The following NRIP2 variants were observed in gnomAD, a reference collection of about 807,000 sequenced individuals.
NRIP2 encodes the protein nuclear receptor interacting protein 2, also known as nuclear receptor-interacting protein 2.
NRIP2 carries 27 observed loss-of-function variants against 34.1 expected under a neutral mutation model. That is an observed-to-expected ratio of 0.79 (90% CI 0.58 to 1.09). The LOEUF is 1.09. NRIP2 is among the 50% of genes least tolerant of loss of function. The pLI, the probability that NRIP2 is intolerant of heterozygous loss-of-function variation, is 0.00. For missense variants in NRIP2, 385 were observed against 352.6 expected (o/e 1.09, Z -0.74); for synonymous variants, 145 against 146.9 (o/e 0.99, Z 0.09).
rs112921825 is a variant in NRIP2, at chr12:2,828,134, T to G, written c.579-87A>C. The G allele has an allele frequency of 6.7e-3, 8,981 of 1,331,540 alleles. 413 individuals carry two copies. The African/African-American group carries it at 0.11, about 16-fold the overall frequency. 82.5% of individuals were successfully genotyped at this position (1,331,540 alleles called of 1,614,324 possible). A position where few individuals can be genotyped will look rare whatever the true frequency, so the allele number is the denominator to read the frequency against. On this transcript the variant is annotated intron_variant, in intron 3 of 5. Coordinates refer to ENST00000337508, the MANE Select transcript of NRIP2 (RefSeq NM_031474.3). ...CAGCAGGTGTCCCTCTCTACTATGG[T>G]TTCATCTCCAACCCCTGACCTCACG...
At chr12:2,832,559 C>T (rs535566142) in intron 1 of NRIP2, among the ~76,000 whole-genome samples, 1 of 151,886 alleles carries the variant, frequency 6.6e-6, no homozygotes, top group African/African-American at 2.4e-5. Context: ...AGGATGTACC[C>T]TCTCCAGGAT....
In NRIP2 at chr12:2,835,024, T is replaced by C. The variant is rs369220367; in HGVS notation, c.-41A>G. ...TCAGTCTCCAATTTCCCGAGATTGC[T>C]GTAGAGGGAGTGAGACTCCGGCTGG... On this transcript the variant is annotated 5_prime_UTR_variant, in exon 1 of 6. Transcript: ENST00000337508. 1.5e-4 allele frequency: 225 copies of C among 1,504,340 alleles called. 1 individual carries two copies. Among genetic ancestry groups the C allele is most frequent in the Middle Eastern group, 9.1e-4 (5 of 5,490 alleles). 93.2% of individuals were successfully genotyped at this position (1,504,340 alleles called of 1,614,324 possible). A position where few individuals can be genotyped will look rare whatever the true frequency, so the allele number is the denominator to read the frequency against.
At chr12:2,828,775 G>A (rs945252448) in intron 2 of NRIP2, among the ~76,000 whole-genome samples, 1 of 152,190 alleles carries the variant, frequency 6.6e-6, no homozygotes, top group Non-Finnish European at 1.5e-5. Context: ...CCGAGAGGCG[G>A]AGGTTGTGGT....
At position 2,830,703 on chromosome 12, in the gene NRIP2, C is replaced by G; in HGVS notation, c.495+5G>C. The G allele has an allele frequency of 2.5e-6, 4 of 1,607,526 alleles. No homozygotes were observed. The highest frequency in any genetic ancestry group is 2.5e-6 in the Non-Finnish European group (3 of 1,177,130). ...ATGAAAGTGTGTCCCTGGGAGGCCT[C>G]TCACCTTGCAGTTGACCAGAAGAGC... On this transcript the variant is annotated splice_donor_5th_base_variant and intron_variant, in intron 2 of 5. Coordinates refer to ENST00000337508, the MANE Select transcript of NRIP2 (RefSeq NM_031474.3).
intron 1 of NRIP2, 97 bp from the exon 2 acceptor site, chr12:2,830,957 A>ACC (rs71441693): frequency 2.6e-6 from 3 of 1,166,800 alleles, no homozygotes; most frequent in Admixed American, 2.9e-5. Flanking sequence ...TGCTCCCCCC[A>ACC]CCCCCCCAGC....
intron 1 of NRIP2, among the ~76,000 whole-genome samples, 198 bp from the exon 2 acceptor site, chr12:2,831,058 A>G (rs1397355446): frequency 1.3e-5 from 2 of 150,558 alleles, no homozygotes; most frequent in Non-Finnish European, 2.9e-5. Flanking sequence ...TTCCTTGGAC[A>G]CCCATAGATT....
intron 1 of NRIP2, among the ~76,000 whole-genome samples, chr12:2,833,927 C>T (rs973870715): frequency 6.6e-6 from 1 of 152,188 alleles, no homozygotes; most frequent in African/African-American, 2.4e-5. Flanking sequence ...TGATCCCAAG[C>T]GAAGTGGCTG....
At chr12:2,828,261 AT>A in intron 3 of NRIP2, 70 bp downstream of exon 3, 1 of 1,364,442 alleles carries the variant, frequency 7.3e-7, no homozygotes, top group Admixed American at 1.8e-5. Context: ...TCACTATCTA[AT>A]TTGAGAATAT....
rs1355269263 is a variant in NRIP2 at position 2,827,617 on chromosome 12, T to C, written c.753+8A>G. 6.2e-7 allele frequency: 1 copy of C among 1,614,158 alleles called. No homozygotes were observed. The highest frequency in any genetic ancestry group is 1.7e-5 in the Admixed American group (1 of 60,020). ...TGCTTTGGGTCAGGCCCTGAGTGGG[T>C]GCCTTACCTTGAGAGAAAGCAGAGT... On this transcript the variant is annotated splice_region_variant and intron_variant, in intron 5 of 5. Coordinates refer to ENST00000337508, the MANE Select transcript of NRIP2 (RefSeq NM_031474.3). This position sits in a 1 kb window ranked among gnomAD's most constrained non-coding sequence, Gnocchi z 4.0.
At position 2,827,568 on chromosome 12, in the gene NRIP2, G is replaced by A. The variant is rs965188247; in HGVS notation, c.753+57C>T. ...AGAACCTGGTCCAGGTTCCACACCT[G>A]TGCCTTCTACTACTTTTTCCCAGTG... On this transcript the variant is annotated intron_variant, in intron 5 of 5. Coordinates refer to ENST00000337508, the MANE Select transcript of NRIP2 (RefSeq NM_031474.3). The surrounding 1 kb of genome is among the most constrained non-coding windows in gnomAD (Gnocchi z 4.0). 3.1e-6 allele frequency: 5 copies of A among 1,613,124 alleles called. No individual in the cohort carries two copies. Among genetic ancestry groups the A allele is most frequent in the Non-Finnish European group, 4.2e-6 (5 of 1,179,634 alleles).
chr12:2,832,572 C>T (rs1234745667), intron 1 of NRIP2, among the ~76,000 whole-genome samples: 2 of 151,812 alleles, frequency 1.3e-5, no homozygotes, highest in East Asian at 3.9e-4. Flanking sequence ...TCCAGGATAC[C>T]CTCTCTGAGT....
intron 1 of NRIP2, among the ~76,000 whole-genome samples, chr12:2,832,938 C>T (rs531830303): frequency 1.3e-5 from 2 of 151,938 alleles, no homozygotes; most frequent in Non-Finnish European, 2.9e-5. Flanking sequence ...TCAGCGAGCT[C>T]TGGGATTGGC....
intron 1 of NRIP2, among the ~76,000 whole-genome samples, chr12:2,833,999 C>T (rs1052637585): frequency 1.4e-4 from 21 of 152,188 alleles, no homozygotes; most frequent in African/African-American, 5.1e-4. Flanking sequence ...AGTTTTCCGC[C>T]GCCCACTCAC....
At chr12:2,828,890 A>G (rs2097984792) in intron 2 of NRIP2, among the ~76,000 whole-genome samples, 1 of 152,154 alleles carries the variant, frequency 6.6e-6, no homozygotes, top group Non-Finnish European at 1.5e-5. Flanking sequence ...CAATAGGGGC[A>G]GAACTCCCAG....
chr12:2,831,273 A>G (rs1565431312), intron 1 of NRIP2, among the ~76,000 whole-genome samples: 2 of 151,350 alleles, frequency 1.3e-5, no homozygotes, highest in Non-Finnish European at 1.5e-5. Flanking sequence ...TGATGGTATG[A>G]TGAAAAACAG....
chr12:2,830,817 G>A lies in NRIP2; in HGVS notation c.386C>T (p.Pro129Leu), dbSNP rs756586590. Residue 129 changes from proline (P) to leucine (L), a missense_variant, in exon 2 of 6, where the codon CCG (proline) becomes CTG (leucine). Transcript: ENST00000337508. ...VIQRRLVEGN[P>L]NWLQGEPPRM... is the part of the protein sequence containing the mutation. ...GGGAGGCTCCCCCTGAAGCCAATTC[G>A]GGTTTCCCTCCACCAGGCGTCTTTG... is the stretch of plus-strand genomic sequence containing the variant. 34 of 1,613,520 alleles carry A rather than the reference G, an allele frequency of 2.1e-5. No homozygotes were observed. The highest frequency in any genetic ancestry group is 3.3e-4 in the Middle Eastern group (2 of 6,074).
At chr12:2,828,553 A>T in intron 2 of NRIP2, 139 bp from the exon 3 acceptor site, 1 of 720,270 alleles carries the variant, frequency 1.4e-6, no homozygotes, top group Non-Finnish European at 2.3e-6. Flanking sequence ...ACTGGCTTTT[A>T]TCGGGGCCAG....
chr12:2,829,888 A>G (rs56311115), intron 2 of NRIP2, among the ~76,000 whole-genome samples: 6,854 of 123,404 alleles, frequency 0.056, no homozygotes, highest in South Asian at 0.13. Flanking sequence ...GACCAGCCTG[A>G]CCAACCTGGA....
At chr12:2,829,971 G>C (rs1228323010) in intron 2 of NRIP2, among the ~76,000 whole-genome samples, 1 of 151,736 alleles carries the variant, frequency 6.6e-6, no homozygotes, top group South Asian at 2.1e-4. Context: ...CAGCTACTTA[G>C]GAGGCTGAGG....
Sources: gnomAD v4.1 joint callset for allele counts (sites outside exome capture counted in the v4.1 genomes callset) on GRCh38, gnomAD v4.1.1 for gene constraint, Gnocchi (gnomAD v3.1) non-coding constraint, MANE v1.5 for transcripts, NCBI Gene and HGNC (gene_info 2026-07-23, HGNC 2026-07-21) for gene names.